The following GRB2 variants were observed in gnomAD, a reference collection of about 807,000 sequenced individuals.
GRB2 encodes the protein growth factor receptor bound protein 2, also known as growth factor receptor-bound protein 2.
Under a neutral mutation model 27.4 loss-of-function variants are expected in GRB2, and 2 were observed. The observed-to-expected ratio is 0.07, with a 90% CI of 0.03 to 0.23. The LOEUF is 0.23. GRB2 is among the 10% of genes least tolerant of loss of function. The probability of loss-of-function intolerance (pLI) is 1.00; values close to 1 mark genes in which losing one functional copy is unlikely to be tolerated. For missense variants in GRB2, 102 were observed against 282.4 expected (o/e 0.36, Z 4.58); for synonymous variants, 94 against 99.6 (o/e 0.94, Z 0.33).
intron 2 of GRB2, among the ~76,000 whole-genome samples, chr17:75,365,196 C>T (rs1370201488): frequency 1.3e-5 from 2 of 152,114 alleles, no homozygotes; most frequent in Non-Finnish European, 2.9e-5. Context: ...CCATCTGCTG[C>T]CCACCCAGAG....
rs1444400512 is a variant in GRB2, at chr17:75,318,749, A to C, written c.*1619T>G. ...TCCAGCTTCCCAGTGCTGCCCTCAC[A>C]CTCACCTGGACAGGTCAGGGGACAC... On this transcript the variant is annotated 3_prime_UTR_variant, in exon 6 of 6. Transcript: ENST00000316804. 1.3e-5 allele frequency: 2 copies of C among 152,034 alleles called. No individual in the cohort carries two copies. Among genetic ancestry groups the C allele is most frequent in the Non-Finnish European group, 2.9e-5 (2 of 68,060 alleles). 9.4% of individuals were successfully genotyped at this position (152,034 alleles called of 1,614,324 possible).
At chr17:75,370,042 T>C (rs988166504) in intron 2 of GRB2, among the ~76,000 whole-genome samples, 1 of 152,164 alleles carries the variant, frequency 6.6e-6, no homozygotes, top group Non-Finnish European at 1.5e-5. Flanking sequence ...ACTCAATGAA[T>C]GAATGCTTAA....
chr17:75,374,395 C>A (rs1416162789), intron 2 of GRB2, among the ~76,000 whole-genome samples: 1 of 102,930 alleles, frequency 9.7e-6, no homozygotes, highest in Non-Finnish European at 1.9e-5. Flanking sequence ...CAGAGTAAGA[C>A]TCCATATCAA....
intron 3 of GRB2, among the ~76,000 whole-genome samples, chr17:75,327,722 T>A (rs1201865385): frequency 6.6e-6 from 1 of 152,168 alleles, no homozygotes; most frequent in Non-Finnish European, 1.5e-5. Flanking sequence ...CCTAAAATAA[T>A]ATACTATACT....
rs182599940 is a variant in GRB2 at position 75,366,410 on chromosome 17, T to C, written c.78+27141A>G. Among the ~76,000 whole-genome samples, 240 of 150,212 alleles carry C rather than the reference T, an allele frequency of 1.6e-3. 1 individual carries two copies. The highest frequency in any genetic ancestry group is 5.7e-3 in the African/African-American group (234 of 41,158). On this transcript the variant is annotated intron_variant, in intron 2 of 5. Coordinates refer to ENST00000316804, the MANE Select transcript of GRB2 (RefSeq NM_002086.5). ...ACTTTTAAAATGCCCAGGACAGGAATAGTGGTTCACACCTGTAATCCCAGC... is the reference window on the plus strand; with the variant it reads ...ACTTTTAAAATGCCCAGGACAGGAACAGTGGTTCACACCTGTAATCCCAGC...
chr17:75,360,963 G>T (rs991428092), intron 2 of GRB2, among the ~76,000 whole-genome samples: 2 of 49,734 alleles, frequency 4.0e-5, no homozygotes, highest in Non-Finnish European at 7.5e-5. Flanking sequence ...TAGAGATGGG[G>T]TCTTGCTCTA....
chr17:75,355,885 C>T (rs886799423), intron 2 of GRB2, among the ~76,000 whole-genome samples: 5 of 141,676 alleles, frequency 3.5e-5, no homozygotes, highest in African/African-American at 1.1e-4. Flanking sequence ...GTGTGGAGTA[C>T]AGTGGCGTGA....
At chr17:75,334,460 C>A (rs959695567) in intron 2 of GRB2, among the ~76,000 whole-genome samples, 8 of 152,086 alleles carry the variant, frequency 5.3e-5, no homozygotes, top group Admixed American at 5.2e-4. Context: ...CACGAGCCAC[C>A]GTGCCCAGCC....
rs2078984363 is a variant in GRB2 at position 75,389,356 on chromosome 17, T to C, written c.78+4195A>G. On this transcript the variant is annotated intron_variant, in intron 2 of 5. Transcript: ENST00000316804. Reference sequence around the variant, plus strand: ...GCACACACCTGACTGATGTCAGCGCTTGCCAGTTTCATCCTTCCTGAACGA... The same window carrying C: ...GCACACACCTGACTGATGTCAGCGCCTGCCAGTTTCATCCTTCCTGAACGA... 2.6e-5 allele frequency among the ~76,000 whole-genome samples: 4 copies of C among 152,190 alleles called. 1 individual carries two copies. The highest frequency in any genetic ancestry group is 1.3e-4 in the Admixed American group (2 of 15,272).
chr17:75,377,599 A>G (rs990619252), intron 2 of GRB2, among the ~76,000 whole-genome samples: 1 of 23,372 alleles, frequency 4.3e-5, no homozygotes, highest in African/African-American at 5.7e-5. Context: ...CTGTCTCAGA[A>G]AAAAAAAAAA....
Position 75,376,320 on chromosome 17 carries a change from G to A in GRB2, c.78+17231C>T, listed in dbSNP as rs7219514. Among the ~76,000 whole-genome samples the A allele has an allele frequency of 8.6e-3, 1,170 of 136,504 alleles. 21 individuals carry two copies. The highest frequency in any genetic ancestry group is 0.029 in the African/African-American group (1,121 of 39,124). The allele number at this position is 136,504 out of a possible 152,430, so 89.6% of individuals were successfully genotyped here. A position where few individuals can be genotyped will look rare whatever the true frequency, so the allele number is the denominator to read the frequency against. On this transcript the variant is annotated intron_variant, in intron 2 of 5. Transcript: ENST00000316804. Reference sequence around the variant, plus strand: ...AGATTGTGCCACTGCACTCCAGCCTGGGTGACAGACAGAGACTCTGTCTCA... The same window carrying A: ...AGATTGTGCCACTGCACTCCAGCCTAGGTGACAGACAGAGACTCTGTCTCA...
intron 2 of GRB2, chr17:75,373,341 C>T (rs959260): frequency 0.66 from 100,550 of 152,122 alleles, 38,220 homozygotes; most frequent in East Asian, 0.91. Context: ...TTTCACAGAA[C>T]GTCAAAGAAG....
intron 2 of GRB2, among the ~76,000 whole-genome samples, chr17:75,353,096 A>G (rs2078703444): frequency 6.6e-6 from 1 of 151,410 alleles, no homozygotes; most frequent in Admixed American, 6.6e-5. Flanking sequence ...GAGGCAGGAG[A>G]ATGGCGTGAA....
In GRB2 at chr17:75,393,655, C is replaced by T; in HGVS notation, c.-27G>A. On this transcript the variant is annotated 5_prime_UTR_variant, in exon 2 of 6. Coordinates refer to ENST00000316804, the MANE Select transcript of GRB2 (RefSeq NM_002086.5). Reference sequence around the variant, plus strand: ...CTGAGCGCTGCTCAGTGCTCAGCAGCCTGAAGCAGGGGGAAGGGAGTCTTC... The same window carrying T: ...CTGAGCGCTGCTCAGTGCTCAGCAGTCTGAAGCAGGGGGAAGGGAGTCTTC... The T allele has an allele frequency of 6.3e-7, 1 of 1,594,700 alleles. No individual in the cohort carries two copies. The highest frequency in any genetic ancestry group is 8.6e-7 in the Non-Finnish European group (1 of 1,162,538).
intron 2 of GRB2, among the ~76,000 whole-genome samples, chr17:75,342,388 GC>G (rs1027961421): frequency 6.6e-6 from 1 of 152,096 alleles, no homozygotes; most frequent in African/African-American, 2.4e-5. Flanking sequence ...TACATTTAGT[GC>G]CCTAGAGCAA....
intron 2 of GRB2, among the ~76,000 whole-genome samples, chr17:75,349,052 A>T (rs1392126666): frequency 6.6e-6 from 1 of 152,240 alleles, no homozygotes; most frequent in Non-Finnish European, 1.5e-5. Context: ...AGAAAAAAGG[A>T]CAACTTCAAA....
chr17:75,325,855 G>C, intron 4 of GRB2, 43 bp downstream of exon 4: 1 of 1,608,808 alleles, frequency 6.2e-7, no homozygotes, highest in Non-Finnish European at 8.5e-7. Flanking sequence ...ATTTGGATCA[G>C]TCAGAGACAG....
chr17:75,358,717 A>C (rs1311480126), intron 2 of GRB2, among the ~76,000 whole-genome samples: 36 of 124,578 alleles, frequency 2.9e-4, no homozygotes, highest in Admixed American at 6.9e-4. Context: ...AAAAAAAAAA[A>C]AAAAAAAAAC....
intron 2 of GRB2, among the ~76,000 whole-genome samples, chr17:75,336,388 C>T (rs1483668229): frequency 6.6e-6 from 1 of 152,168 alleles, no homozygotes; most frequent in Non-Finnish European, 1.5e-5. Context: ...GAGAGTCAGA[C>T]TGACAAAGAG....
Sources: allele counts gnomAD v4.1 joint callset (sites outside exome capture counted in the v4.1 genomes callset), GRCh38; gene constraint gnomAD v4.1.1; transcripts MANE v1.5; gene names NCBI Gene and HGNC (gene_info 2026-07-23, HGNC 2026-07-21).